COQ10B: variants seen among roughly 807,000 people sequenced by gnomAD.
COQ10B encodes the protein coenzyme Q10B, also known as coenzyme Q-binding protein COQ10 homolog B, mitochondrial.
Under a neutral mutation model 27.6 loss-of-function variants are expected in COQ10B, and 12 were observed. The observed-to-expected ratio is 0.43, with a 90% CI of 0.28 to 0.70. The LOEUF is 0.70. Ranked by LOEUF, COQ10B falls within the 30% of genes least tolerant of loss-of-function variation. The pLI is 0.17. For missense variants in COQ10B, 278 were observed against 288.7 expected, an observed-to-expected ratio of 0.96 and a Z score of 0.27; for synonymous variants, 115 against 103.0, an observed-to-expected ratio of 1.12 and a Z score of -0.71.
chr2:197,469,491 C>T (rs2085858428), intron 3 of COQ10B, among the ~76,000 whole-genome samples: 1 of 152,062 alleles, frequency 6.6e-6, no homozygotes, highest in Non-Finnish European at 1.5e-5. Flanking sequence ...TTGAAAAAAT[C>T]AGAAAGAAAT....
At chr2:197,457,746 C>T (rs931795767) in intron 1 of COQ10B, among the ~76,000 whole-genome samples, 6 of 151,726 alleles carry the variant, frequency 4.0e-5, no homozygotes, top group Non-Finnish European at 8.8e-5. Context: ...CTCAGCCTCC[C>T]GAGTAGCTGG....
chr2:197,466,007 A>G (rs968604670), intron 3 of COQ10B, among the ~76,000 whole-genome samples: 10 of 152,058 alleles, frequency 6.6e-5, no homozygotes, highest in African/African-American at 2.4e-4. Context: ...CAGAAGAATC[A>G]CTTGAACCCA....
chr2:197,453,782 A>G (rs1278976783), intron 1 of COQ10B, 118 bp downstream of exon 1: 2 of 1,063,866 alleles, frequency 1.9e-6, no homozygotes, highest in Non-Finnish European at 2.8e-6. Context: ...CCGTGTCTTT[A>G]GAGGAGAAGG....
chr2:197,458,472 G>T (rs779909314), intron 1 of COQ10B, among the ~76,000 whole-genome samples: 3 of 151,926 alleles, frequency 2.0e-5, no homozygotes, highest in Non-Finnish European at 2.9e-5. Flanking sequence ...GCACTTTTTT[G>T]AATCAATCTT....
chr2:197,454,166 A>T (rs1486117806), intron 1 of COQ10B: 6 of 1,528,548 alleles, frequency 3.9e-6, no homozygotes, highest in Non-Finnish European at 5.3e-6. Flanking sequence ...TACAGCCAGC[A>T]TAAGGGACTT....
chr2:197,465,010 C>T (rs894631996), intron 3 of COQ10B, among the ~76,000 whole-genome samples: 5 of 151,856 alleles, frequency 3.3e-5, no homozygotes, highest in Middle Eastern at 3.2e-3. Flanking sequence ...CTCAGCCTCC[C>T]GAGTAGCGGG....
At chr2:197,462,865 A>G (rs1162691492) in intron 3 of COQ10B, 134 bp downstream of exon 3, 1 of 537,424 alleles carries the variant, frequency 1.9e-6, no homozygotes, top group African/African-American at 2.0e-5. Context: ...TATATCTCCT[A>G]ACTGTGTTAC....
intron 4 of COQ10B, among the ~76,000 whole-genome samples, chr2:197,473,441 T>TACAC (rs1361911016): frequency 6.7e-4 from 66 of 98,202 alleles, no homozygotes; most frequent in African/African-American, 2.5e-3. Context: ...TATATATATA[T>TACAC]ACACATATAT....
At position 197,473,414 on chromosome 2, in the gene COQ10B, AAATAT is replaced by A. The variant is rs1210534826; in HGVS notation, c.550-341_550-337del. Among the ~76,000 whole-genome samples, 68 of 64,174 alleles carry A rather than the reference AAATAT, an allele frequency of 1.1e-3. 2 individuals are homozygous for A. Among genetic ancestry groups the A allele is most frequent in the Middle Eastern group, 0.014 (1 of 74 alleles). 42.1% of individuals were successfully genotyped at this position (64,174 alleles called of 152,430 possible). ...ACGCCCCCCCCCACAAAAAAAAAAA[AAATAT>A]ATATATATATATATATATATATACA... On this transcript the variant is annotated intron_variant, in intron 4 of 4. Transcript: ENST00000263960.
At chr2:197,463,543 G>A (rs1336033399) in intron 3 of COQ10B, among the ~76,000 whole-genome samples, 3 of 151,432 alleles carry the variant, frequency 2.0e-5, no homozygotes, top group African/African-American at 7.3e-5. Flanking sequence ...AAGAAGTTGA[G>A]GCTAGAGAGA....
intron 4 of COQ10B, among the ~76,000 whole-genome samples, chr2:197,471,534 T>C (rs114575596): frequency 0.011 from 1,607 of 152,342 alleles, 27 homozygotes; most frequent in African/African-American, 0.036. Context: ...GGAGTTGTTC[T>C]CTGTACAGGC....
rs774436071 is a variant in COQ10B, at chr2:197,462,692, T to C, written c.408T>C (p.Tyr136=). 3 of 1,596,404 alleles carry C rather than the reference T, an allele frequency of 1.9e-6. No individual in the cohort carries two copies. The highest frequency in any genetic ancestry group is 2.3e-5 in the East Asian group (1 of 44,108). Residue 136 remains tyrosine, a synonymous_variant, in exon 3 of 5, where the codon TAT becomes TAC. Coordinates refer to ENST00000263960, the MANE Select transcript of COQ10B (RefSeq NM_025147.5). ...GATTTCCACCTGTGTTGGAGCGATA[T>C]ACATCAGTAGTAACCTTGGTGAAAC... ...EIGFPPVLER[Y]TSVVTLVKPH...
At chr2:197,463,953 AAAAAAAAAAAAATATATATATATATAT>A (rs1424630416) in intron 3 of COQ10B, among the ~76,000 whole-genome samples, 4 of 69,306 alleles carry the variant, frequency 5.8e-5, no homozygotes, top group Non-Finnish European at 1.1e-4. Flanking sequence ...AAAAAAAAAA[AAAAAAAAAAAAATATATATATATATAT>A]ATATATATAT....
At chr2:197,467,123 T>G (rs2085832647) in intron 3 of COQ10B, among the ~76,000 whole-genome samples, 1 of 151,792 alleles carries the variant, frequency 6.6e-6, no homozygotes, top group Non-Finnish European at 1.5e-5. Context: ...ATTTTTGTAT[T>G]TTTAGTAGAA....
intron 4 of COQ10B, among the ~76,000 whole-genome samples, chr2:197,471,813 A>G (rs1423413764): frequency 6.6e-6 from 1 of 151,922 alleles, no homozygotes; most frequent in Non-Finnish European, 1.5e-5. Context: ...GTGGTGGTGC[A>G]TGCCTGTAGT....
In COQ10B at chr2:197,469,475, T is replaced by C. The variant is rs1574586121; in HGVS notation, c.448-595T>C. On this transcript the variant is annotated intron_variant, in intron 3 of 4. Transcript: ENST00000263960. ...GTGCATACTGAATATAAAGTATACA[T>C]GTGCATTGAAAAAATCAGAAAGAAA... Among the ~76,000 whole-genome samples the C allele has an allele frequency of 2.6e-5, 4 of 152,186 alleles. No homozygotes were observed. The East Asian group carries it at 7.7e-4, about 29-fold the overall frequency.
chr2:197,467,806 A>G (rs2085840917), intron 3 of COQ10B, among the ~76,000 whole-genome samples: 1 of 152,224 alleles, frequency 6.6e-6, no homozygotes, highest in Admixed American at 6.5e-5. Flanking sequence ...GCTGACCAAA[A>G]CATGCCTGTC....
rs978521285 is a variant in COQ10B at position 197,475,249 on chromosome 2, T to G, written c.*1325T>G. The G allele has an allele frequency of 1.3e-5, 2 of 152,240 alleles. No individual in the cohort carries two copies. Among genetic ancestry groups the G allele is most frequent in the African/African-American group, 2.4e-5 (1 of 41,454 alleles). The allele number at this position is 152,240 out of a possible 1,614,324, so 9.4% of individuals were successfully genotyped here. A position where few individuals can be genotyped will look rare whatever the true frequency, so the allele number is the denominator to read the frequency against. ...TCTATGAAGATATCTAAAATATCTA[T>G]TTCTATGAAGAAACAGACTTTAACA... On this transcript the variant is annotated 3_prime_UTR_variant, in exon 5 of 5. Transcript: ENST00000263960.
rs912552439 is a variant in COQ10B, at chr2:197,473,945, C to T, written c.*21C>T. On this transcript the variant is annotated 3_prime_UTR_variant, in exon 5 of 5. Coordinates refer to ENST00000263960, the MANE Select transcript of COQ10B (RefSeq NM_025147.5). ...CATAAAGGCAAAAAAGAACTGGTGC[C>T]ACCTGCTTCTGACTTTAGTTTGTTC... The T allele has an allele frequency of 1.2e-5, 17 of 1,453,930 alleles. No individual in the cohort carries two copies. Among genetic ancestry groups the T allele is most frequent in the Non-Finnish European group, 1.5e-5 (16 of 1,091,210 alleles). 90.1% of individuals were successfully genotyped at this position (1,453,930 alleles called of 1,614,324 possible).
Sources: allele counts gnomAD v4.1 joint callset (sites outside exome capture counted in the v4.1 genomes callset), GRCh38; gene constraint gnomAD v4.1.1; transcripts MANE v1.5; gene names NCBI Gene and HGNC (gene_info 2026-07-23, HGNC 2026-07-21).